ENOX2: variants seen among roughly 807,000 people sequenced by gnomAD.
The protein encoded by ENOX2 is ecto-NOX disulfide-thiol exchanger 2, also known as APK1 antigen.
ENOX2 carries 36 observed loss-of-function variants against 45.0 expected under a neutral mutation model. The ratio of observed to expected loss-of-function variants is 0.80; its 90% CI spans 0.61 to 1.06. ENOX2 has a LOEUF of 1.06. Ranked by LOEUF, ENOX2 falls within the 50% of genes least tolerant of loss-of-function variation. ENOX2 has a pLI of 0.00. For missense variants in ENOX2, 423 were observed against 462.5 expected (o/e 0.91, Z 0.78); for synonymous variants, 174 against 152.3 (o/e 1.14, Z -1.05).
At chrX:130,861,194 C>T (rs781416333) in intron 2 of ENOX2, among the ~76,000 whole-genome samples, 2 of 111,959 alleles carry the variant, frequency 1.8e-5, no homozygotes, top group East Asian at 2.8e-4. Context: ...AAACACAATA[C>T]GGAGGTTTCT....
chrX:130,780,030 G>A (rs1053313139), intron 3 of ENOX2, among the ~76,000 whole-genome samples: 2 of 111,825 alleles, frequency 1.8e-5, no homozygotes, highest in Admixed American at 1.9e-4. Flanking sequence ...ACAAGTGAAA[G>A]AAGAAGGGGA....
At chrX:130,833,551 C>A (rs1242830301) in intron 2 of ENOX2, among the ~76,000 whole-genome samples, 1 of 111,311 alleles carries the variant, frequency 9.0e-6, no homozygotes, top group East Asian at 2.8e-4. Context: ...CTGCCATAGG[C>A]TGTCAGTAGC....
At chrX:130,785,325 C>CA (rs1204555333) in intron 2 of ENOX2, among the ~76,000 whole-genome samples, 3,897 of 43,902 alleles carry the variant, frequency 0.089, 215 homozygotes, top group African/African-American at 0.22. Context: ...AACTCCATCT[C>CA]AAAAAAAAAA....
At chrX:130,673,283 G>A (rs888858386) in intron 6 of ENOX2, among the ~76,000 whole-genome samples, 2 of 110,822 alleles carry the variant, frequency 1.8e-5, no homozygotes, top group African/African-American at 3.3e-5. Context: ...GTAAGAACTC[G>A]GGGTGTTGCA....
At position 130,656,633 on chromosome X, in the gene ENOX2, C is replaced by T. The variant is rs1164802162; in HGVS notation, c.1077G>A (p.Met359Ile). ...MGIRREEEME[M>I]SDDEIEEMTE... is the part of the protein sequence containing the mutation. ...TCATTTCTTCTATTTCATCATCAGA[C>T]ATTTCCATTTCTTCTTCTCGCCTGA... The change falls in exon 10 of 15, where the codon ATG becomes ATA. Residue 359 changes from methionine (M) to isoleucine (I), a missense_variant. Physicochemically the swap from Met to Ile is conservative, Grantham distance 10. This residue lies in a region of ENOX2 where 261 missense variants were observed against 306.8 expected (regional missense o/e 0.85). Coordinates refer to ENST00000394363, the MANE Select transcript of ENOX2 (RefSeq NM_006375.4). The T allele has an allele frequency of 1.7e-6, 2 of 1,178,101 alleles. No homozygotes were observed. Among genetic ancestry groups the T allele is most frequent in the Admixed American group, 2.3e-5 (1 of 44,417 alleles).
chrX:130,657,807 T>C (rs2036585959), intron 9 of ENOX2, among the ~76,000 whole-genome samples: 1 of 111,832 alleles, frequency 8.9e-6, no homozygotes, highest in Non-Finnish European at 1.9e-5. Context: ...TTACTTGACA[T>C]AGAAAAACTA....
At chrX:130,702,364 T>C (rs957419677) in intron 4 of ENOX2, among the ~76,000 whole-genome samples, 2 of 111,570 alleles carry the variant, frequency 1.8e-5, no homozygotes. Context: ...AGGTTCTAGA[T>C]TGGCCTGGTC....
intron 3 of ENOX2, among the ~76,000 whole-genome samples, chrX:130,721,916 T>C (rs2038488403): frequency 8.9e-6 from 1 of 112,222 alleles, no homozygotes; most frequent in Non-Finnish European, 1.9e-5. Context: ...TATCATGCTA[T>C]AAGAAGTCTG....
At chrX:130,793,124 C>A (rs181718629) in intron 2 of ENOX2, among the ~76,000 whole-genome samples, 2 of 112,325 alleles carry the variant, frequency 1.8e-5, no homozygotes, top group African/African-American at 6.5e-5. Context: ...TAATGCCCCC[C>A]TTACAGCAAA....
At chrX:130,797,534 G>A (rs1352604179) in intron 2 of ENOX2, among the ~76,000 whole-genome samples, 1 of 110,133 alleles carries the variant, frequency 9.1e-6, no homozygotes, top group Non-Finnish European at 1.9e-5. Context: ...ATCCTTTGGA[G>A]AAGATTTGGA....
intron 5 of ENOX2, among the ~76,000 whole-genome samples, chrX:130,688,542 G>A (rs1259857122): frequency 8.9e-6 from 1 of 112,167 alleles, no homozygotes; most frequent in African/African-American, 3.2e-5. Context: ...CAGCACATGC[G>A]GCAGTTACGA....
At chrX:130,705,640 A>G (rs1291477676) in intron 3 of ENOX2, among the ~76,000 whole-genome samples, 1 of 111,313 alleles carries the variant, frequency 9.0e-6, no homozygotes. Context: ...ACCCATCTCC[A>G]CCTGTCAAAA....
chrX:130,835,803 A>G (rs2077918995), intron 2 of ENOX2, among the ~76,000 whole-genome samples: 1 of 111,964 alleles, frequency 8.9e-6, no homozygotes, highest in South Asian at 3.7e-4. Flanking sequence ...TACTCTACTG[A>G]AATAAGTTAT....
chrX:130,661,544 G>A (rs1279881406), intron 9 of ENOX2, among the ~76,000 whole-genome samples: 2 of 111,700 alleles, frequency 1.8e-5, no homozygotes, highest in Non-Finnish European at 3.8e-5. Context: ...ACAAGGGAAT[G>A]GAAAGCAGAG....
intron 2 of ENOX2, among the ~76,000 whole-genome samples, chrX:130,855,216 C>A (rs1281019290): frequency 9.0e-6 from 1 of 111,526 alleles, no homozygotes; most frequent in African/African-American, 3.3e-5. Flanking sequence ...ATACCAACTA[C>A]AAAAATCAAT....
Position 130,656,712 on chromosome X carries a change from T to G in ENOX2, c.1015-17A>C. ...GCGAATTTCCTAAGGTTAAAAAGTA[T>G]GCTTTTTAGGTGGGAATTCCTTGAA... On this transcript the variant is annotated splice_polypyrimidine_tract_variant and intron_variant, in intron 9 of 14. Transcript: ENST00000394363. 1 of 919,299 alleles carries G rather than the reference T, an allele frequency of 1.1e-6. No homozygotes were observed. The highest frequency in any genetic ancestry group is 2.1e-5 in the South Asian group (1 of 47,620). 75.8% of individuals were successfully genotyped at this position (919,299 alleles called of 1,213,427 possible).
At chrX:130,874,857 C>CA (rs1350539607) in intron 2 of ENOX2, among the ~76,000 whole-genome samples, 1 of 110,770 alleles carries the variant, frequency 9.0e-6, no homozygotes, top group African/African-American at 3.3e-5. Flanking sequence ...GCATGCCCCC[C>CA]CCGACACACA....
chrX:130,746,662 C>T (rs975052776), intron 3 of ENOX2, among the ~76,000 whole-genome samples: 4 of 112,176 alleles, frequency 3.6e-5, no homozygotes, highest in African/African-American at 1.3e-4. Flanking sequence ...GAAAGCAGAA[C>T]AAACAATCAA....
At chrX:130,709,637 CAAAAAAA>C (rs60183563) in intron 3 of ENOX2, among the ~76,000 whole-genome samples, 1 of 30,116 alleles carries the variant, frequency 3.3e-5, no homozygotes, top group African/African-American at 1.2e-4. Context: ...GACTCTGTCT[CAAAAAAA>C]AAAAAAAAAA....
Sources: gnomAD v4.1 joint callset for allele counts (sites outside exome capture counted in the v4.1 genomes callset) on GRCh38, gnomAD v4.1.1 for gene constraint, gnomAD v4.1.1 regional missense constraint, MANE v1.5 for transcripts, NCBI Gene and HGNC (gene_info 2026-07-23, HGNC 2026-07-21) for gene names.